The following TSPAN7 variants were observed in gnomAD, a reference collection of about 807,000 sequenced individuals.
TSPAN7 encodes the protein tetraspanin 7, also known as tetraspanin-7.
In TSPAN7, 1 loss-of-function variant was observed where a neutral mutation model predicts 17.6. The ratio of observed to expected loss-of-function variants is 0.06; its 90% CI spans 0.02 to 0.27. The LOEUF is 0.27. Among genes scored for constraint, TSPAN7 ranks in the 10% least tolerant of loss-of-function variants. The pLI is 1.00. For missense variants in TSPAN7, 112 were observed against 201.7 expected (o/e 0.56, Z 2.69); for synonymous variants, 78 against 79.0 (o/e 0.99, Z 0.07).
intron 1 of TSPAN7, among the ~76,000 whole-genome samples, chrX:38,654,627 T>C (rs2069691656): frequency 8.9e-6 from 1 of 112,173 alleles, no homozygotes; most frequent in African/African-American, 3.2e-5. Context: ...CATACTTACT[T>C]ACCTGCCTGC....
chrX:38,661,947 G>C (rs1410155954), intron 1 of TSPAN7, among the ~76,000 whole-genome samples: 3 of 111,496 alleles, frequency 2.7e-5, no homozygotes, highest in Non-Finnish European at 5.7e-5. Context: ...TGAGAGCCAA[G>C]AAAAAATTTA....
chrX:38,675,877 G>C lies in TSPAN7; in HGVS notation c.597+17G>C. The C allele has an allele frequency of 8.3e-7, 1 of 1,209,631 alleles. No homozygotes were observed. The highest frequency in any genetic ancestry group is 3.0e-5 in the East Asian group (1 of 33,786). On this transcript the variant is annotated intron_variant, in intron 5 of 7. Transcript: ENST00000378482. ...AACCAGAAGGTACCCGCTTTCTCCT[G>C]GCCCAGATGGGACCAGTGGTGAATG...
intron 1 of TSPAN7, among the ~76,000 whole-genome samples, chrX:38,577,406 ATTTG>A (rs989278554): frequency 1.8e-5 from 2 of 110,296 alleles, no homozygotes; most frequent in Non-Finnish European, 3.8e-5. Context: ...ACCTTTAAAT[ATTTG>A]TTTGTTGGGT....
chrX:38,562,819 C>A, intron 1 of TSPAN7: 1 of 301,669 alleles, frequency 3.3e-6, no homozygotes, highest in Non-Finnish European at 5.4e-6. Context: ...CCCCCCTTGT[C>A]CCCCAAATCT....
At chrX:38,615,494 C>T in intron 1 of TSPAN7, among the ~76,000 whole-genome samples, 1 of 111,403 alleles carries the variant, frequency 9.0e-6, no homozygotes. Flanking sequence ...GAGCACTGGA[C>T]CAATTTCAGC....
intron 1 of TSPAN7, among the ~76,000 whole-genome samples, chrX:38,646,873 C>T (rs140376228): frequency 0.039 from 4,411 of 111,728 alleles, 221 homozygotes; most frequent in African/African-American, 0.13. Context: ...CCAGTGGCCA[C>T]GGGAAAACAG....
chrX:38,655,939 A>G (rs2069701558), intron 1 of TSPAN7: 2 of 302,342 alleles, frequency 6.6e-6, no homozygotes, highest in South Asian at 6.2e-5. Flanking sequence ...ATGAGAAAGA[A>G]GTGTGCCACT....
At chrX:38,669,301 A>T (rs1278102441) in intron 2 of TSPAN7, among the ~76,000 whole-genome samples, 1 of 111,747 alleles carries the variant, frequency 8.9e-6, no homozygotes, top group East Asian at 2.8e-4. Flanking sequence ...CTGGGTGCGT[A>T]TGATATTTTA....
At chrX:38,566,310 T>C in intron 1 of TSPAN7, 6 of 953,210 alleles carry the variant, frequency 6.3e-6, no homozygotes, top group Non-Finnish European at 8.1e-6. Context: ...GATTTGTATG[T>C]TTTATTTTCA....
At chrX:38,606,634 C>T (rs1215635713) in intron 1 of TSPAN7, among the ~76,000 whole-genome samples, 1 of 111,416 alleles carries the variant, frequency 9.0e-6, no homozygotes, top group East Asian at 2.8e-4. Context: ...ATGAATGCAA[C>T]ACCAGACACC....
At chrX:38,594,318 C>A (rs2069307572) in intron 1 of TSPAN7, among the ~76,000 whole-genome samples, 1 of 111,507 alleles carries the variant, frequency 9.0e-6, no homozygotes, top group African/African-American at 3.3e-5. Context: ...ACATTATTCA[C>A]TTGTGATATA....
At chrX:38,588,665 A>T (rs2069272610) in intron 1 of TSPAN7, among the ~76,000 whole-genome samples, 4 of 111,715 alleles carry the variant, frequency 3.6e-5, no homozygotes. Flanking sequence ...ATGGTTTTTC[A>T]ACTTGAGAAA....
intron 1 of TSPAN7, among the ~76,000 whole-genome samples, chrX:38,617,698 A>T (rs1259624263): frequency 8.9e-6 from 1 of 112,265 alleles, no homozygotes; most frequent in Non-Finnish European, 1.9e-5. Context: ...CCACACTTTG[A>T]GCAACACTGG....
intron 1 of TSPAN7, among the ~76,000 whole-genome samples, chrX:38,568,613 T>C (rs1400572472): frequency 9.0e-6 from 1 of 111,257 alleles, no homozygotes; most frequent in African/African-American, 3.3e-5. Context: ...TTCACAACAA[T>C]ATGCTCTGGT....
chrX:38,668,122 T>C (rs2069794833), intron 2 of TSPAN7, among the ~76,000 whole-genome samples: 1 of 112,289 alleles, frequency 8.9e-6, no homozygotes, highest in Non-Finnish European at 1.9e-5. Context: ...ACCTGACTGA[T>C]TCCAACTAAC....
At chrX:38,676,197 T>C (rs2069852870) in intron 5 of TSPAN7, among the ~76,000 whole-genome samples, 1 of 111,418 alleles carries the variant, frequency 9.0e-6, no homozygotes. Context: ...CTGCTTAATA[T>C]ACCATCTAAA....
chrX:38,664,090 T>C (rs1402510651), intron 1 of TSPAN7, among the ~76,000 whole-genome samples: 1 of 112,474 alleles, frequency 8.9e-6, no homozygotes, highest in Non-Finnish European at 1.9e-5. Context: ...AGGCTGATAA[T>C]GCTACAGTGG....
At position 38,678,759 on chromosome X, in the gene TSPAN7, T is replaced by C. The variant is rs970969361; in HGVS notation, c.598-2445T>C. On this transcript the variant is annotated intron_variant, in intron 5 of 7. Coordinates refer to ENST00000378482, the MANE Select transcript of TSPAN7 (RefSeq NM_004615.4). Reference sequence around the variant, plus strand: ...ATTTTAATTAATCCTATTACTGATATGATTCATTAACTTGCTTTCTTATTT... The same window carrying C: ...ATTTTAATTAATCCTATTACTGATACGATTCATTAACTTGCTTTCTTATTT... 2.7e-5 allele frequency among the ~76,000 whole-genome samples: 3 copies of C among 112,710 alleles called. No individual in the cohort carries two copies. In the Admixed American group the frequency reaches 2.8e-4, roughly 11 times the overall value.
rs200570271 is a variant in TSPAN7, at chrX:38,675,777, C to T, written c.514C>T (p.Pro172Ser). The T allele has an allele frequency of 9.9e-6, 12 of 1,209,190 alleles. No individual in the cohort carries two copies. Among genetic ancestry groups the T allele is most frequent in the African/African-American group, 1.8e-5 (1 of 56,972 alleles). The change falls in exon 5 of 8, where the codon CCC becomes TCC. Residue 172 changes from proline (P) to serine (S), a missense_variant. By Grantham distance (74) the Pro-to-Ser change is moderately conservative. Transcript: ENST00000378482. ...SPYFLEHGIP[P>S]SCCMNETDCN... ...CTACTTCCTGGAGCATGGCATCCCC[C>T]CCAGCTGCTGCATGAACGAAACTGA...
Sources: gnomAD v4.1 joint callset for allele counts (sites outside exome capture counted in the v4.1 genomes callset) on GRCh38, gnomAD v4.1.1 for gene constraint, MANE v1.5 for transcripts, NCBI Gene and HGNC (gene_info 2026-07-23, HGNC 2026-07-21) for gene names.